Variants in TRPM3 observed in about 807,000 individuals in gnomAD.
TRPM3 encodes the protein long transient receptor potential channel 3.
In TRPM3, 77 loss-of-function variants were observed where a neutral mutation model predicts 181.2. The observed-to-expected ratio is 0.42, with a 90% confidence interval of 0.35 to 0.51. The LOEUF is 0.51. TRPM3 is among the 20% of genes least tolerant of loss of function. TRPM3 has a pLI of 0.01. For missense variants in TRPM3, 1,759 were observed against 2,196.7 expected (o/e 0.80, Z 3.98); for synonymous variants, 745 against 796.4 (o/e 0.94, Z 1.09).
intron 1 of TRPM3, among the ~76,000 whole-genome samples, chr9:71,348,900 T>C (rs2091448154): frequency 1.3e-5 from 2 of 152,004 alleles, no homozygotes; most frequent in African/African-American, 4.8e-5. Context: ...AGAATGAGAA[T>C]GTAAGTTAGT....
chr9:71,115,644 C>A (rs1238576700), intron 1 of TRPM3, among the ~76,000 whole-genome samples: 3 of 152,150 alleles, frequency 2.0e-5, no homozygotes, highest in African/African-American at 7.2e-5. Flanking sequence ...GCCCTTTCCC[C>A]TTGAGACAGA....
At chr9:71,419,775 A>C (rs970306417) in intron 1 of TRPM3, among the ~76,000 whole-genome samples, 3 of 151,874 alleles carry the variant, frequency 2.0e-5, no homozygotes, top group Admixed American at 6.6e-5. Flanking sequence ...ACACTATAAA[A>C]AGGGTTCTGA....
chr9:71,023,413 A>G lies in TRPM3; in HGVS notation c.177+97765T>C, dbSNP rs560427069. On this transcript the variant is annotated intron_variant, in intron 1 of 25. Coordinates refer to ENST00000677713, the MANE Select transcript of TRPM3 (RefSeq NM_001366145.2). ...TATAAAAGTGCATAGTTACTCTGGA[A>G]AATAGTTTGTCAATGTCTCATAGAA... is the stretch of plus-strand genomic sequence containing the variant. 5.1e-4 allele frequency among the ~76,000 whole-genome samples: 78 copies of G among 152,312 alleles called. 1 individual carries two copies. In the South Asian group the frequency reaches 0.016, roughly 30 times the overall value.
intron 8 of TRPM3, 69 bp from the exon 9 acceptor site, chr9:70,681,647 C>T: frequency 8.0e-7 from 1 of 1,252,314 alleles, no homozygotes; most frequent in East Asian, 2.3e-5. Context: ...TCAATGAGAC[C>T]ACATCTGAGC....
chr9:70,562,271 G>A (rs138956142), intron 22 of TRPM3, among the ~76,000 whole-genome samples: 5 of 152,126 alleles, frequency 3.3e-5, no homozygotes, highest in African/African-American at 4.8e-5. Context: ...GTCACTCCAC[G>A]ATTCCAGGAA....
At chr9:70,791,210 A>G (rs2085306288) in intron 6 of TRPM3, among the ~76,000 whole-genome samples, 1 of 152,230 alleles carries the variant, frequency 6.6e-6, no homozygotes, top group African/African-American at 2.4e-5. Context: ...TGCCAGACCC[A>G]ATGCAAACCA....
intron 25 of TRPM3, among the ~76,000 whole-genome samples, chr9:70,547,746 T>G (rs1158197077): frequency 6.6e-6 from 1 of 152,168 alleles, no homozygotes; most frequent in East Asian, 1.9e-4. Flanking sequence ...GTCTACATTC[T>G]GTCCTGGACT....
intron 1 of TRPM3, among the ~76,000 whole-genome samples, chr9:70,953,907 C>CA (rs1479121280): frequency 6.6e-6 from 1 of 152,160 alleles, no homozygotes; most frequent in East Asian, 1.9e-4. Flanking sequence ...TCAGAGAACT[C>CA]AAAGAGCAAG....
At chr9:70,620,475 G>T in intron 15 of TRPM3, 110 bp from the exon 16 acceptor site, 4 of 1,223,420 alleles carry the variant, frequency 3.3e-6, no homozygotes, top group Non-Finnish European at 2.3e-6. Flanking sequence ...ATACTGAAAT[G>T]AACGAGGCCA....
At chr9:70,988,991 C>G (rs1320715068) in intron 1 of TRPM3, among the ~76,000 whole-genome samples, 1 of 151,966 alleles carries the variant, frequency 6.6e-6, no homozygotes, top group Non-Finnish European at 1.5e-5. Context: ...GAGGATGCAA[C>G]TGGCTGACTT....
chr9:71,040,614 T>C (rs1172470123), intron 1 of TRPM3, among the ~76,000 whole-genome samples: 1 of 152,082 alleles, frequency 6.6e-6, no homozygotes, highest in East Asian at 1.9e-4. Flanking sequence ...GAAATAAACA[T>C]CAATGGATGC....
intron 1 of TRPM3, among the ~76,000 whole-genome samples, chr9:70,930,562 A>G (rs2096765878): frequency 6.6e-6 from 1 of 152,164 alleles, no homozygotes; most frequent in African/African-American, 2.4e-5. Context: ...TTGGGCTCAC[A>G]ATAAGTAAAA....
At chr9:71,004,050 A>T (rs1427554387) in intron 1 of TRPM3, among the ~76,000 whole-genome samples, 1 of 152,208 alleles carries the variant, frequency 6.6e-6, no homozygotes. Context: ...CACAAGAACC[A>T]CTGGGAGTAC....
intron 25 of TRPM3, among the ~76,000 whole-genome samples, chr9:70,546,264 C>T (rs2044853605): frequency 6.6e-6 from 1 of 152,190 alleles, no homozygotes; most frequent in Non-Finnish European, 1.5e-5. Flanking sequence ...GCAGCATCAA[C>T]ATTAACATCA....
intron 7 of TRPM3, among the ~76,000 whole-genome samples, chr9:70,767,561 C>G (rs573718487): frequency 1.3e-5 from 2 of 152,122 alleles, no homozygotes; most frequent in Non-Finnish European, 2.9e-5. Flanking sequence ...ATGGGGATGG[C>G]TCATTTTTCT....
At chr9:70,630,433 A>T (rs1038720889) in intron 12 of TRPM3, among the ~76,000 whole-genome samples, 2 of 152,208 alleles carry the variant, frequency 1.3e-5, no homozygotes, top group African/African-American at 2.4e-5. Context: ...AGAGGCTTGT[A>T]GACAAGGGAT....
chr9:71,028,294 C>T (rs555517132), intron 1 of TRPM3, among the ~76,000 whole-genome samples: 109 of 152,194 alleles, frequency 7.2e-4, no homozygotes, highest in Admixed American at 2.6e-3. Flanking sequence ...ACCAGACTTG[C>T]CGTATAAGAG....
chr9:70,977,136 TATTTA>T (rs2133981344), intron 1 of TRPM3, among the ~76,000 whole-genome samples: 1 of 152,238 alleles, frequency 6.6e-6, no homozygotes, highest in South Asian at 2.1e-4. Context: ...TGTTTTTATT[TATTTA>T]TTTTTTTTTT....
chr9:70,604,753 TCTC>T (rs2060700028), intron 19 of TRPM3, among the ~76,000 whole-genome samples: 1 of 151,820 alleles, frequency 6.6e-6, no homozygotes, highest in South Asian at 2.1e-4. Flanking sequence ...CTCAGGTAAT[TCTC>T]CTACTTCAGC....
Sources: gnomAD v4.1 joint callset for allele counts (sites outside exome capture counted in the v4.1 genomes callset) on GRCh38, gnomAD v4.1.1 for gene constraint, MANE v1.5 for transcripts, NCBI Gene and HGNC (gene_info 2026-07-23, HGNC 2026-07-21) for gene names.